Variants in TDRD9 observed in about 807,000 individuals in gnomAD.
TDRD9 encodes the protein tudor domain containing 9, also known as ATP-dependent RNA helicase TDRD9.
Under a neutral mutation model 172.6 loss-of-function variants are expected in TDRD9, and 124 were observed. That is an observed-to-expected ratio of 0.72 (90% CI 0.62 to 0.83). The LOEUF (loss-of-function observed/expected upper bound fraction) is 0.83. Among genes scored for constraint, TDRD9 ranks in the 40% least tolerant of loss-of-function variants. The pLI, the probability that TDRD9 is intolerant of heterozygous loss-of-function variation, is 0.00. For missense variants in TDRD9, 1,479 were observed against 1,714.1 expected (o/e 0.86, Z 2.42); for synonymous variants, 619 against 617.1 (o/e 1.00, Z -0.05).
chr14:104,050,752 AC>A (rs1361303613), intron 35 of TDRD9, among the ~76,000 whole-genome samples: 1 of 152,202 alleles, frequency 6.6e-6, no homozygotes, highest in Non-Finnish European at 1.5e-5. Context: ...GGGCGGCCAC[AC>A]CAGCCCCCAT....
rs7150461 is a variant in TDRD9 at position 104,052,116 on chromosome 14, A to G, written c.*34A>G. 0.57 allele frequency: 837,809 copies of G among 1,479,076 alleles called. 241,896 individuals are homozygous for G. The highest frequency in any genetic ancestry group is 0.61 in the South Asian group (50,134 of 82,362). The allele number at this position is 1,479,076 out of a possible 1,614,324, so 91.6% of individuals were successfully genotyped here. A position where few individuals can be genotyped will look rare whatever the true frequency, so the allele number is the denominator to read the frequency against. ...ACAGGTGGCCTCCAGCACACCCCTC[A>G]GGAAGCTGTGGAGGCTGGATTCCAG... is the stretch of plus-strand genomic sequence containing the variant. On this transcript the variant is annotated 3_prime_UTR_variant, in exon 36 of 36. Coordinates refer to ENST00000409874, the MANE Select transcript of TDRD9 (RefSeq NM_153046.3).
intron 9 of TDRD9, among the ~76,000 whole-genome samples, chr14:103,993,622 G>A (rs569493253): frequency 5.3e-5 from 8 of 152,262 alleles, no homozygotes; most frequent in Admixed American, 5.2e-4. Flanking sequence ...AGTCCCTAGT[G>A]CTCCTTGACC....
In TDRD9 at chr14:104,014,735, T is replaced by C; in HGVS notation, c.2117T>C (p.Leu706Ser). ...ATGTATTTTTCTTAGGTGGCTGAAT[T>C]ATATGAAGAATTGAAGACTAGAATC... ...QIKRIREVAE[L>S]YEELKTRISQ... is the part of the protein sequence containing the mutation. Residue 706 changes from leucine (L) to serine (S), a missense_variant, in exon 21 of 36, where the codon TTA (leucine) becomes TCA (serine). Leu to Ser is a moderately radical substitution (Grantham distance 145). Around this residue, in one of 3 missense-constraint regions of TDRD9, gnomAD observed 1,413 missense variants for 1,649.1 expected, o/e 0.86. Transcript: ENST00000409874. 1.9e-6 allele frequency: 3 copies of C among 1,602,456 alleles called. No homozygotes were observed. Among genetic ancestry groups the C allele is most frequent in the Non-Finnish European group, 2.6e-6 (3 of 1,170,762 alleles).
chr14:104,038,579 T>A (rs1430505216), intron 32 of TDRD9, among the ~76,000 whole-genome samples: 1 of 152,196 alleles, frequency 6.6e-6, no homozygotes, highest in African/African-American at 2.4e-5. Flanking sequence ...AGTGAGGACT[T>A]CCACAAGTGA....
rs912449185 is a variant in TDRD9 at position 103,980,501 on chromosome 14, T to A, written c.1011+4948T>A. ...TACTTTCACTAACTTGCCACTGCTATCTAAAAGGCAGAGCCAGGTGTACAG... is the reference window on the plus strand; with the variant it reads ...TACTTTCACTAACTTGCCACTGCTAACTAAAAGGCAGAGCCAGGTGTACAG... On this transcript the variant is annotated intron_variant, in intron 7 of 35. Transcript: ENST00000409874. This position sits in a 1 kb window ranked among gnomAD's most constrained non-coding sequence, Gnocchi z 4.5. 1.3e-5 allele frequency among the ~76,000 whole-genome samples: 2 copies of A among 152,172 alleles called. No homozygotes were observed. Among genetic ancestry groups the A allele is most frequent in the African/African-American group, 2.4e-5 (1 of 41,442 alleles).
At chr14:104,034,574 A>C (rs368963844) in intron 31 of TDRD9, among the ~76,000 whole-genome samples, 5 of 152,252 alleles carry the variant, frequency 3.3e-5, no homozygotes, top group Admixed American at 6.5e-5. Flanking sequence ...TTCCTTTTAT[A>C]CAAGGATGTG....
intron 6 of TDRD9, among the ~76,000 whole-genome samples, 169 bp from the exon 7 acceptor site, chr14:103,975,220 A>G (rs527866840): frequency 2.0e-5 from 3 of 152,380 alleles, no homozygotes; most frequent in East Asian, 3.9e-4. Context: ...ATCTCTGAAC[A>G]TTGTTTAAAC....
chr14:104,030,624 C>T (rs2035252773), intron 28 of TDRD9, among the ~76,000 whole-genome samples: 1 of 152,240 alleles, frequency 6.6e-6, no homozygotes, highest in Non-Finnish European at 1.5e-5. Flanking sequence ...TAAATCCTGT[C>T]ATATTTCTTT....
chr14:103,970,430 T>TA, intron 5 of TDRD9, 111 bp from the exon 6 acceptor site: 1 of 732,794 alleles, frequency 1.4e-6, no homozygotes, highest in Non-Finnish European at 2.3e-6. Context: ...GAACTGCATT[T>TA]AGCAGAGAGA....
In TDRD9 at chr14:104,014,791, C is replaced by A; in HGVS notation, c.2173C>A (p.Arg725=). 6.2e-7 allele frequency: 1 copy of A among 1,612,020 alleles called. No homozygotes were observed. The highest frequency in any genetic ancestry group is 8.5e-7 in the Non-Finnish European group (1 of 1,178,968). Residue 725 remains arginine, a synonymous_variant, in exon 21 of 36, where the codon CGA becomes AGA. Coordinates refer to ENST00000409874, the MANE Select transcript of TDRD9 (RefSeq NM_153046.3). Reference sequence around the variant, plus strand: ...GTTCAACATGCATGTTGATTCTCGGCGACCTGTCATGGACCAAGAGTATAT... The same window carrying A: ...GTTCAACATGCATGTTGATTCTCGGAGACCTGTCATGGACCAAGAGTATAT... ...SQFNMHVDSR[R]PVMDQEYIYK... is the part of the protein sequence containing the mutation.
chr14:103,941,521 C>T (rs1487020369), intron 1 of TDRD9: 2 of 1,535,308 alleles, frequency 1.3e-6, no homozygotes, highest in East Asian at 2.4e-5. Flanking sequence ...TTGTAATCCA[C>T]ACCTGTTTTT....
intron 8 of TDRD9, among the ~76,000 whole-genome samples, chr14:103,990,012 A>T (rs1304373242): frequency 5.3e-5 from 8 of 152,182 alleles, no homozygotes; most frequent in Admixed American, 6.5e-5. Flanking sequence ...GCCTCTGCCT[A>T]TTGATTGGGG....
At chr14:103,939,748 T>TGTTTTTTTTTTG (rs1566724711) in intron 1 of TDRD9, 1 of 101,828 alleles carries the variant, frequency 9.8e-6, no homozygotes, top group African/African-American at 3.5e-5. Flanking sequence ...AAAGTGTTTT[T>TGTTTTTTTTTTG]TTTTTTTTTT....
At position 103,963,938 on chromosome 14, in the gene TDRD9, G is replaced by A. The variant is rs993338845; in HGVS notation, c.420+762G>A. Reference sequence around the variant, plus strand: ...GGAGTTCTGGAGGAGGAATTTGAGTGGAGTTTTAAAAATGCTGCATATAAT... The same window carrying A: ...GGAGTTCTGGAGGAGGAATTTGAGTAGAGTTTTAAAAATGCTGCATATAAT... On this transcript the variant is annotated intron_variant, in intron 3 of 35. Transcript: ENST00000409874. Among the ~76,000 whole-genome samples the A allele has an allele frequency of 2.5e-4, 38 of 152,164 alleles. 1 individual carries two copies. The highest frequency in any genetic ancestry group is 8.9e-4 in the African/African-American group (37 of 41,442).
chr14:103,939,870 C>T (rs2031108156), intron 1 of TDRD9: 1 of 148,226 alleles, frequency 6.7e-6, no homozygotes, highest in African/African-American at 2.5e-5. Flanking sequence ...CTTCAACCTC[C>T]TGAGTAGCTG....
intron 2 of TDRD9, among the ~76,000 whole-genome samples, chr14:103,960,773 G>T (rs570739016): frequency 4.3e-4 from 65 of 152,288 alleles, no homozygotes; most frequent in Non-Finnish European, 8.4e-4. Context: ...AGGACTTCTG[G>T]CATTTTTTCT....
At chr14:104,034,539 G>C (rs954444539) in intron 31 of TDRD9, among the ~76,000 whole-genome samples, 1 of 152,194 alleles carries the variant, frequency 6.6e-6, no homozygotes, top group African/African-American at 2.4e-5. Context: ...CTGGTGCGAG[G>C]TTACGCGGTG....
At chr14:103,962,922 C>T (rs538598760) in intron 2 of TDRD9, among the ~76,000 whole-genome samples, 157 bp from the exon 3 acceptor site, 2 of 151,612 alleles carry the variant, frequency 1.3e-5, no homozygotes, top group Non-Finnish European at 2.9e-5. Flanking sequence ...TGGTATTGCC[C>T]TGATGGCAGT....
intron 1 of TDRD9, chr14:103,929,069 G>A (rs2030186481): frequency 6.3e-6 from 1 of 159,390 alleles, no homozygotes; most frequent in African/African-American, 2.4e-5. Context: ...TCTGCGTAAG[G>A]TGTGGGTATT....
Sources: gnomAD v4.1 joint callset for allele counts (sites outside exome capture counted in the v4.1 genomes callset) on GRCh38, gnomAD v4.1.1 for gene constraint, gnomAD v4.1.1 regional missense constraint, Gnocchi (gnomAD v3.1) non-coding constraint, MANE v1.5 for transcripts, NCBI Gene and HGNC (gene_info 2026-07-23, HGNC 2026-07-21) for gene names.